SPTAN1: variants seen among roughly 807,000 people sequenced by gnomAD.
SPTAN1 encodes the protein spectrin alpha, non-erythrocytic 1.
Under a neutral mutation model 331.3 loss-of-function variants are expected in SPTAN1, and 61 were observed. The observed-to-expected ratio is 0.18, with a 90% CI of 0.15 to 0.23. The LOEUF is 0.23. Ranked by LOEUF, SPTAN1 falls within the 10% of genes least tolerant of loss-of-function variation. The pLI is 1.00. For synonymous variants in SPTAN1, 1,153 were observed against 1,173.9 expected (o/e 0.98, Z 0.36); for missense variants, 2,043 against 3,147.9 (o/e 0.65, Z 8.40).
intron 55 of SPTAN1, 22 bp from the exon 56 acceptor site, chr9:128,632,786 C>A: frequency 6.2e-7 from 1 of 1,614,074 alleles, no homozygotes; most frequent in Non-Finnish European, 8.5e-7. Context: ...CCTGCTCAGG[C>A]TCTTGCTTCC....
intron 40 of SPTAN1, among the ~76,000 whole-genome samples, 190 bp from the exon 41 acceptor site, chr9:128,615,442 C>T (rs1857047348): frequency 6.6e-6 from 1 of 152,090 alleles, no homozygotes; most frequent in Non-Finnish European, 1.5e-5. Flanking sequence ...CAAATGTCCA[C>T]ACGGTAAAAA....
At chr9:128,621,061 C>T in intron 44 of SPTAN1, 97 bp from the exon 45 acceptor site, 1 of 941,414 alleles carries the variant, frequency 1.1e-6, no homozygotes, top group East Asian at 2.4e-5. Flanking sequence ...TGTGCATGGA[C>T]AGGGACCATA....
chr9:128,627,968 G>C lies in SPTAN1; in HGVS notation c.6707+26G>C. 3 of 1,614,084 alleles carry C rather than the reference G, an allele frequency of 1.9e-6. No homozygotes were observed. Among genetic ancestry groups the C allele is most frequent in the Non-Finnish European group, 2.5e-6 (3 of 1,179,978 alleles). On this transcript the variant is annotated intron_variant, in intron 51 of 56. Transcript: ENST00000372739. The surrounding 1 kb of genome is among the most constrained non-coding windows in gnomAD (Gnocchi z 4.9). Reference sequence around the variant, plus strand: ...GTTAATATTGTTTTCTTCCTTCTCTGGGCTTGTCATGTGGGGGTCTCGTGC... The same window carrying C: ...GTTAATATTGTTTTCTTCCTTCTCTCGGCTTGTCATGTGGGGGTCTCGTGC...
chr9:128,577,614 C>A lies in SPTAN1; in HGVS notation c.1085+108C>A. On this transcript the variant is annotated intron_variant, in intron 8 of 56. Coordinates refer to ENST00000372739, the MANE Select transcript of SPTAN1 (RefSeq NM_001130438.3). This position sits in a 1 kb window ranked among gnomAD's most constrained non-coding sequence, Gnocchi z 4.2. ...TGTGTTCTGTGAAAGTGTCAGGTAT[C>A]ACCTACAAATGCAAATCACTTCTTA... is the stretch of plus-strand genomic sequence containing the variant. 2 of 1,459,132 alleles carry A rather than the reference C, an allele frequency of 1.4e-6. No individual in the cohort carries two copies. The highest frequency in any genetic ancestry group is 1.9e-6 in the Non-Finnish European group (2 of 1,049,364). The allele number at this position is 1,459,132 out of a possible 1,614,324, so 90.4% of individuals were successfully genotyped here. A position where few individuals can be genotyped will look rare whatever the true frequency, so the allele number is the denominator to read the frequency against.
intron 13 of SPTAN1, 30 bp from the exon 14 acceptor site, chr9:128,582,664 A>G (rs2131127016): frequency 6.2e-7 from 1 of 1,611,702 alleles, no homozygotes; most frequent in East Asian, 2.2e-5. Context: ...AGTGAACACT[A>G]GAGACTCACA....
chr9:128,591,758 T>A, intron 22 of SPTAN1, 133 bp downstream of exon 22: 1 of 1,122,594 alleles, frequency 8.9e-7, no homozygotes, highest in Non-Finnish European at 1.3e-6. Context: ...CCACCCCACT[T>A]TGAGCCCACA....
chr9:128,590,260 G>T (rs1853293918), intron 21 of SPTAN1, among the ~76,000 whole-genome samples: 1 of 152,116 alleles, frequency 6.6e-6, no homozygotes, highest in South Asian at 2.1e-4. Context: ...TCTAACTTTG[G>T]TTTATTCAAG....
intron 20 of SPTAN1, among the ~76,000 whole-genome samples, chr9:128,587,918 T>G (rs1045792619): frequency 2.0e-5 from 3 of 152,046 alleles, no homozygotes; most frequent in African/African-American, 7.2e-5. Context: ...CAACCTCGGC[T>G]CACTGCAACC....
At chr9:128,600,272 A>G (rs1854933412) in intron 27 of SPTAN1, among the ~76,000 whole-genome samples, 157 bp downstream of exon 27, 2 of 152,176 alleles carry the variant, frequency 1.3e-5, no homozygotes, top group Admixed American at 1.3e-4. Context: ...TAACTCTAAA[A>G]TGTGATGCTT....
rs1274153505 is a variant in SPTAN1 at position 128,580,210 on chromosome 9, T to A, written c.1323+472T>A. On this transcript the variant is annotated intron_variant, in intron 10 of 56. Coordinates refer to ENST00000372739, the MANE Select transcript of SPTAN1 (RefSeq NM_001130438.3). Reference sequence around the variant, plus strand: ...ATTCCTATAGTCCGAGCTACTTGAGTTCAAGGTTATAATGAGTTATGATTT... The same window carrying A: ...ATTCCTATAGTCCGAGCTACTTGAGATCAAGGTTATAATGAGTTATGATTT... 2.0e-5 allele frequency among the ~76,000 whole-genome samples: 3 copies of A among 151,682 alleles called. No homozygotes were observed. The East Asian group carries it at 5.8e-4, about 29-fold the overall frequency.
intron 28 of SPTAN1, among the ~76,000 whole-genome samples, chr9:128,603,923 C>T (rs1467243148): frequency 6.6e-6 from 1 of 152,250 alleles, no homozygotes; most frequent in East Asian, 1.9e-4. Flanking sequence ...GGCGTGTCGG[C>T]TCTTCCCAGG....
intron 1 of SPTAN1, among the ~76,000 whole-genome samples, chr9:128,565,541 C>T (rs1467404300): frequency 1.3e-5 from 2 of 152,226 alleles, no homozygotes; most frequent in East Asian, 1.9e-4. Flanking sequence ...CAGACAGTGC[C>T]TTCCTACCAC....
At chr9:128,594,446 T>TTTTC in intron 24 of SPTAN1, 73 bp downstream of exon 24, 1 of 1,429,742 alleles carries the variant, frequency 7.0e-7, no homozygotes, top group Non-Finnish European at 9.5e-7. Context: ...TTTTTTTTTT[T>TTTTC]TTTTGAGATG....
intron 26 of SPTAN1, chr9:128,599,685 TAAA>T (rs5900811): frequency 3.3e-3 from 409 of 124,094 alleles, no homozygotes; most frequent in South Asian, 0.013. Flanking sequence ...AGCACAGCTC[TAAA>T]AAAAAAAAAA....
In SPTAN1 at chr9:128,626,167, G is replaced by A. The variant is rs1031113350; in HGVS notation, c.6279+189G>A. ...GAGGGCCCTGTGAGATCGCCATTCA[G>A]AAGCACGCAGGACAGACTAGAGACA... is the stretch of plus-strand genomic sequence containing the variant. On this transcript the variant is annotated intron_variant, in intron 48 of 56. Transcript: ENST00000372739. The A allele has an allele frequency of 3.4e-5, 29 of 864,870 alleles. No homozygotes were observed. The East Asian group carries it at 5.7e-4, about 17-fold the overall frequency. 53.6% of individuals were successfully genotyped at this position (864,870 alleles called of 1,614,324 possible). A position where few individuals can be genotyped will look rare whatever the true frequency, so the allele number is the denominator to read the frequency against.
chr9:128,594,428 G>GGTT, intron 24 of SPTAN1, 55 bp downstream of exon 24: 1 of 600,828 alleles, frequency 1.7e-6, no homozygotes, highest in Admixed American at 4.2e-5. Context: ...TGAGTCTCTT[G>GGTT]ATTTTTTTTT....
intron 20 of SPTAN1, 127 bp downstream of exon 20, chr9:128,587,825 G>A (rs779860810): frequency 6.7e-4 from 492 of 739,612 alleles, no homozygotes; most frequent in Non-Finnish European, 7.0e-4. Flanking sequence ...AAGATTTACA[G>A]AGTTTAAAAT....
intron 51 of SPTAN1, 153 bp downstream of exon 51, chr9:128,628,095 A>G: frequency 1.0e-6 from 1 of 966,298 alleles, no homozygotes; most frequent in Non-Finnish European, 1.7e-6. Context: ...CCTGATGAGG[A>G]GTGTGTGCCT....
chr9:128,598,475 G>A lies in SPTAN1; in HGVS notation c.3490G>A (p.Ala1164Thr), dbSNP rs796053316. ...AEDLESEGLM[A>T]EEVQAVQQQE... ...AGACCTGGAGTCTGAAGGTCTCATGGCAGAGGAGGTGCAGGCTGTGCAACA... is the reference window on the plus strand; with the variant it reads ...AGACCTGGAGTCTGAAGGTCTCATGACAGAGGAGGTGCAGGCTGTGCAACA... The change falls in exon 25 of 57, where the codon GCA becomes ACA. Residue 1164 changes from alanine to threonine, a missense_variant. Transcript: ENST00000372739. The A allele has an allele frequency of 3.7e-6, 6 of 1,611,664 alleles. No homozygotes were observed. The highest frequency in any genetic ancestry group is 5.1e-6 in the Non-Finnish European group (6 of 1,179,080).
Sources: allele counts gnomAD v4.1 joint callset (sites outside exome capture counted in the v4.1 genomes callset), GRCh38; gene constraint gnomAD v4.1.1; non-coding constraint Gnocchi (gnomAD v3.1); transcripts MANE v1.5; gene names NCBI Gene and HGNC (gene_info 2026-07-23, HGNC 2026-07-21).